The following RNF14 variants were observed in gnomAD, a reference collection of about 807,000 sequenced individuals.
RNF14 encodes the protein ring finger protein 14.
RNF14 carries 26 observed loss-of-function variants against 52.6 expected under a neutral mutation model. The ratio of observed to expected loss-of-function variants is 0.49; its 90% CI spans 0.36 to 0.69. The LOEUF is 0.69. Ranked by LOEUF, RNF14 falls within the 30% of genes least tolerant of loss-of-function variation. The pLI is 0.00. For synonymous variants in RNF14, 194 were observed against 202.0 expected (o/e 0.96, Z 0.34); for missense variants, 404 against 560.4 (o/e 0.72, Z 2.82).
chr5:141,964,838 G>C (rs1226305386), upstream of RNF14, among the ~76,000 whole-genome samples: 1 of 150,522 alleles, frequency 6.6e-6, no homozygotes, highest in African/African-American at 2.5e-5. Flanking sequence ...CATTGGCCAG[G>C]CTGGTCTCAA....
Position 141,980,767 on chromosome 5 carries a change from A to G in RNF14, c.1063+416A>G, listed in dbSNP as rs545481649. On this transcript the variant is annotated intron_variant, in intron 6 of 8. Coordinates refer to ENST00000394520, the MANE Select transcript of RNF14 (RefSeq NM_004290.5). ...AACCGTGCAGATACCAGGGAGGAAC[A>G]TTCCAGGAGAAGGAATGGCACAGGA... 7.2e-5 allele frequency among the ~76,000 whole-genome samples: 11 copies of G among 152,362 alleles called. No homozygotes were observed. In the South Asian group the frequency reaches 2.3e-3, roughly 32 times the overall value.
intron 4 of RNF14, 73 bp downstream of exon 4, chr5:141,975,028 T>A: frequency 1.3e-6 from 2 of 1,492,486 alleles, no homozygotes; most frequent in Non-Finnish European, 1.8e-6. Context: ...AAGACTATCT[T>A]AAAGATCTTG....
the RNF14 span, chr5:141,952,768 C>G: frequency 0.088 from 13,441 of 152,186 alleles, 1,997 homozygotes; most frequent in African/African-American, 0.31. Context: ...AGTGTTGTCA[C>G]GATTAAATGG....
chr5:141,955,613 T>C (rs567632925), upstream of RNF14: 2 of 1,614,124 alleles, frequency 1.2e-6, no homozygotes, highest in Admixed American at 3.3e-5. The surrounding 1 kb of genome is among the most constrained non-coding windows in gnomAD (Gnocchi z 5.5). Context: ...TAGGCCCTGT[T>C]GTCCTTCTTT....
chr5:141,967,045 A>G (rs891194660), upstream of RNF14: 1 of 152,324 alleles, frequency 6.6e-6, no homozygotes. Context: ...ATCTATTAGA[A>G]GGGTATTTTG....
intron 5 of RNF14, among the ~76,000 whole-genome samples, chr5:141,979,390 A>G (rs1754560517): frequency 6.6e-6 from 1 of 152,110 alleles, no homozygotes; most frequent in African/African-American, 2.4e-5. Context: ...CTGGGATTAC[A>G]GGCACCCGCC....
chr5:141,978,403 C>T lies in RNF14; in HGVS notation c.407C>T (p.Ala136Val). 7 of 1,614,210 alleles carry T rather than the reference C, an allele frequency of 4.3e-6. No individual in the cohort carries two copies. In the Middle Eastern group the frequency reaches 8.2e-4, roughly 190 times the overall value. ...CAATTTCTTAAGGAAGAGACCCTAGCATACTTGAATATTGTCTCTCCTTTT... is the reference window on the plus strand; with the variant it reads ...CAATTTCTTAAGGAAGAGACCCTAGTATACTTGAATATTGTCTCTCCTTTT... Reference protein sequence around the residue: ...WMQFLKEETLAYLNIVSPFEL... With the variant: ...WMQFLKEETLVYLNIVSPFEL... The change falls in exon 5 of 9, where the codon GCA (alanine) becomes GTA (valine). Residue 136 changes from alanine (A) to valine (V), a missense_variant. By Grantham distance (64) the Ala-to-Val change is moderately conservative. Coordinates refer to ENST00000394520, the MANE Select transcript of RNF14 (RefSeq NM_004290.5).
At chr5:141,952,498 C>T in the RNF14 span, 1 of 152,202 alleles carries the variant, frequency 6.6e-6, no homozygotes, top group Non-Finnish European at 1.5e-5. Flanking sequence ...CAGGCAGAAG[C>T]ACTGCACACT....
At chr5:141,984,458 TTTAC>T (rs1755060595) in intron 7 of RNF14, among the ~76,000 whole-genome samples, 1 of 152,200 alleles carries the variant, frequency 6.6e-6, no homozygotes, top group Non-Finnish European at 1.5e-5. Flanking sequence ...GTACCAAATA[TTTAC>T]TTAGATTTCT....
At chr5:141,980,392 C>T in intron 6 of RNF14, 41 bp downstream of exon 6, 1 of 1,448,596 alleles carries the variant, frequency 6.9e-7, no homozygotes, top group Non-Finnish European at 9.6e-7. Context: ...TCCCCAGTCT[C>T]TCCCTCACAT....
At chr5:141,952,076 C>T in the RNF14 span, among the ~76,000 whole-genome samples, 2 of 152,180 alleles carry the variant, frequency 1.3e-5, no homozygotes, top group Non-Finnish European at 2.9e-5. Context: ...TCTTTTCATT[C>T]ATTCAACAAG....
chr5:141,972,236 A>T (rs973616806), intron 2 of RNF14, among the ~76,000 whole-genome samples: 186 of 149,070 alleles, frequency 1.2e-3, no homozygotes, highest in African/African-American at 3.9e-3. Flanking sequence ...ATTTGGAGAT[A>T]TTTTTTTTTT....
chr5:141,980,219 C>CG lies in RNF14; in HGVS notation c.933dup (p.Pro312AlafsTer40), dbSNP rs1554082860. 1 of 1,614,100 alleles carries CG rather than the reference C, an allele frequency of 6.2e-7. No individual in the cohort carries two copies. The highest frequency in any genetic ancestry group is 8.5e-7 in the Non-Finnish European group (1 of 1,180,034). ...GATGGCAGATGTGGTGTACTGCCCC[C>CG]GGCCGTGCTGCCAGCTGCCTGTGAT... On this transcript the variant is annotated frameshift_variant, in exon 6 of 9. Transcript: ENST00000394520. LOFTEE classifies it high-confidence loss of function.
intron 5 of RNF14, 66 bp from the exon 6 acceptor site, chr5:141,980,057 A>C: frequency 7.7e-7 from 1 of 1,295,230 alleles, no homozygotes; most frequent in Non-Finnish European, 1.1e-6. Flanking sequence ...GCATCCTAAG[A>C]ATCGCCTCAG....
In RNF14 at chr5:141,978,557, A is replaced by G; in HGVS notation, c.561A>G (p.Ala187=). 6.2e-7 allele frequency: 1 copy of G among 1,614,188 alleles called. No individual in the cohort carries two copies. The highest frequency in any genetic ancestry group is 8.5e-7 in the Non-Finnish European group (1 of 1,180,016). ...VDQEEIVDER[A]VQDVESLSNL... ...AAGAGGAAATTGTGGATGAGAGAGC[A>G]GTGCAGGATGTGGAATCACTGTCAA... Residue 187 remains alanine, a synonymous_variant, in exon 5 of 9, where the codon GCA becomes GCG. Coordinates refer to ENST00000394520, the MANE Select transcript of RNF14 (RefSeq NM_004290.5).
At chr5:141,986,859 T>C (rs1755278507) in intron 8 of RNF14, among the ~76,000 whole-genome samples, 1 of 152,218 alleles carries the variant, frequency 6.6e-6, no homozygotes, top group African/African-American at 2.4e-5. Flanking sequence ...AAACGCTGCA[T>C]GTGCAGTTGA....
intron 1 of RNF14, among the ~76,000 whole-genome samples, chr5:141,959,368 G>A (rs1561537723): frequency 2.0e-5 from 3 of 152,164 alleles, no homozygotes; most frequent in Non-Finnish European, 4.4e-5. Context: ...AAGGAAGGAG[G>A]TGAATGAGCA....
chr5:141,983,854 T>A (rs1212761642), intron 7 of RNF14, among the ~76,000 whole-genome samples: 2 of 152,166 alleles, frequency 1.3e-5, no homozygotes, highest in Non-Finnish European at 2.9e-5. Flanking sequence ...CTCATCTATG[T>A]GATTAAAAAA....
Position 141,984,101 on chromosome 5 carries a change from CT to C in RNF14, c.1236+567del, listed in dbSNP as rs201857998. On this transcript the variant is annotated intron_variant, in intron 7 of 8. Transcript: ENST00000394520. ...AGGAAACTAGGACTATATGTAATCA[CT>C]TTTTTTTTTTTTTTTTTGATACTGA... is the stretch of plus-strand genomic sequence containing the variant. 2.0e-3 allele frequency among the ~76,000 whole-genome samples: 273 copies of C among 136,626 alleles called. 1 individual carries two copies. The highest frequency in any genetic ancestry group is 0.016 in the East Asian group (77 of 4,802). The allele number at this position is 136,626 out of a possible 152,430, so 89.6% of individuals were successfully genotyped here.
Sources: gnomAD v4.1 joint callset for allele counts (sites outside exome capture counted in the v4.1 genomes callset) on GRCh38, gnomAD v4.1.1 for gene constraint, Gnocchi (gnomAD v3.1) non-coding constraint, MANE v1.5 for transcripts, NCBI Gene and HGNC (gene_info 2026-07-23, HGNC 2026-07-21) for gene names.